The following EBF4 variants were observed in gnomAD, a reference collection of about 807,000 sequenced individuals.
The protein encoded by EBF4 is transcription factor COE4.
Under a neutral mutation model 67.1 loss-of-function variants are expected in EBF4, and 34 were observed. The ratio of observed to expected loss-of-function variants is 0.51; its 90% CI spans 0.39 to 0.67. The LOEUF (loss-of-function observed/expected upper bound fraction) is 0.67. Ranked by LOEUF, EBF4 falls within the 30% of genes least tolerant of loss-of-function variation. EBF4 has a pLI of 0.00. For synonymous variants in EBF4, 387 were observed against 377.7 expected, an observed-to-expected ratio of 1.02 and a Z score of -0.29; for missense variants, 837 against 873.3, an observed-to-expected ratio of 0.96 and a Z score of 0.52.
chr20:2,738,419 T>A (rs2087920635), intron 6 of EBF4, among the ~76,000 whole-genome samples: 1 of 152,128 alleles, frequency 6.6e-6, no homozygotes, highest in Non-Finnish European at 1.5e-5. Flanking sequence ...CCTTCTCTTC[T>A]GTTCGTGGAC....
chr20:2,727,747 G>A (rs2087764582), intron 6 of EBF4, among the ~76,000 whole-genome samples: 1 of 152,130 alleles, frequency 6.6e-6, no homozygotes, highest in Non-Finnish European at 1.5e-5. Flanking sequence ...CTTTTTTATA[G>A]TAGTCATCCT....
chr20:2,695,276 C>T (rs1037109222), intron 1 of EBF4, among the ~76,000 whole-genome samples: 3 of 152,170 alleles, frequency 2.0e-5, no homozygotes, highest in Non-Finnish European at 4.4e-5. Context: ...TGCAACCTTT[C>T]CCTCTGTGCC....
chr20:2,722,914 G>A (rs1470708919), intron 6 of EBF4, among the ~76,000 whole-genome samples: 1 of 151,972 alleles, frequency 6.6e-6, no homozygotes, highest in Admixed American at 6.5e-5. Context: ...TAACCTAATC[G>A]TGTGTCTTAT....
Position 2,693,627 on chromosome 20 carries a change from T to G in EBF4, c.-19T>G. 1 of 1,378,332 alleles carries G rather than the reference T, an allele frequency of 7.3e-7. No homozygotes were observed. Among genetic ancestry groups the G allele is most frequent in the South Asian group, 1.6e-5 (1 of 61,586 alleles). 85.4% of individuals were successfully genotyped at this position (1,378,332 alleles called of 1,614,324 possible). A position where few individuals can be genotyped will look rare whatever the true frequency, so the allele number is the denominator to read the frequency against. On this transcript the variant is annotated 5_prime_UTR_variant, in exon 1 of 17. Transcript: ENST00000609451. The surrounding 1 kb of genome is among the most constrained non-coding windows in gnomAD (Gnocchi z 4.6). ...ACCGGATCCGGGGCGGCGGGGGCGC[T>G]CACTCACCGCGCGCCCTCATGTTCC...
At chr20:2,708,072 G>T in intron 5 of EBF4, 52 bp downstream of exon 5, 1 of 1,554,768 alleles carries the variant, frequency 6.4e-7, no homozygotes, top group South Asian at 1.2e-5. Context: ...GCGTTTCTGA[G>T]GACTCTACCC....
intron 6 of EBF4, among the ~76,000 whole-genome samples, chr20:2,729,093 A>G (rs983458951): frequency 6.6e-6 from 1 of 152,150 alleles, no homozygotes; most frequent in Non-Finnish European, 1.5e-5. Context: ...GATAACTTTC[A>G]ATATAATTGG....
chr20:2,697,584 C>T (rs1264455530), intron 1 of EBF4, among the ~76,000 whole-genome samples: 1 of 151,030 alleles, frequency 6.6e-6, no homozygotes, highest in African/African-American at 2.4e-5. Context: ...GTAGGGAGAG[C>T]AGAGGGGCTG....
At chr20:2,700,442 T>C (rs898256534) in intron 1 of EBF4, among the ~76,000 whole-genome samples, 3 of 152,148 alleles carry the variant, frequency 2.0e-5, no homozygotes, top group East Asian at 1.9e-4. Flanking sequence ...GCAGTTTCTC[T>C]CCACACCCCA....
intron 6 of EBF4, among the ~76,000 whole-genome samples, chr20:2,727,813 T>C (rs2087765269): frequency 6.6e-6 from 1 of 152,252 alleles, no homozygotes; most frequent in Admixed American, 6.5e-5. Flanking sequence ...TCTAATGATG[T>C]TGAACATCTT....
intron 7 of EBF4, 140 bp from the exon 8 acceptor site, chr20:2,749,261 G>T (rs1330192035): frequency 1.4e-5 from 9 of 632,606 alleles, no homozygotes; most frequent in Admixed American, 3.1e-5. Flanking sequence ...GACACTGCAG[G>T]ATTGAAGCCC....
intron 1 of EBF4, among the ~76,000 whole-genome samples, chr20:2,699,386 G>A (rs1208383621): frequency 1.3e-5 from 2 of 152,204 alleles, no homozygotes; most frequent in East Asian, 1.9e-4. Flanking sequence ...TCTGTGCAAC[G>A]TAAATCTTTT....
chr20:2,733,678 C>T (rs1012652673), intron 6 of EBF4, among the ~76,000 whole-genome samples: 24 of 150,820 alleles, frequency 1.6e-4, no homozygotes, highest in African/African-American at 2.9e-4. Flanking sequence ...GATTTTTTTT[C>T]GTCCCACCAA....
intron 8 of EBF4, 42 bp from the exon 9 acceptor site, chr20:2,749,578 C>A (rs1302159886): frequency 6.5e-7 from 1 of 1,546,930 alleles, no homozygotes; most frequent in Non-Finnish European, 8.7e-7. Flanking sequence ...CAGGCCCCAC[C>A]TCAGCGCGGT....
intron 14 of EBF4, among the ~76,000 whole-genome samples, chr20:2,754,865 G>A (rs1003525): frequency 0.45 from 68,602 of 151,748 alleles, 16,072 homozygotes; most frequent in Non-Finnish European, 0.53. Context: ...AGGGCAAGCC[G>A]CAGCCTGGGT....
At chr20:2,759,198 A>G in intron 16 of EBF4, 70 bp from the exon 17 acceptor site, 2 of 575,594 alleles carry the variant, frequency 3.5e-6, no homozygotes, top group East Asian at 2.8e-5. Flanking sequence ...GGTAGAGAGA[A>G]GTGGCTTCCT....
intron 6 of EBF4, among the ~76,000 whole-genome samples, chr20:2,722,157 C>T (rs976087190): frequency 1.3e-5 from 2 of 152,128 alleles, no homozygotes; most frequent in South Asian, 2.1e-4. Context: ...ACCTCAGCCT[C>T]CTGAAGTAAC....
chr20:2,710,136 A>G (rs1390404138), intron 6 of EBF4, among the ~76,000 whole-genome samples: 1 of 152,208 alleles, frequency 6.6e-6, no homozygotes. Flanking sequence ...GCATTTGCAC[A>G]CCATGATTTC....
chr20:2,712,628 T>G (rs962188562), intron 6 of EBF4, among the ~76,000 whole-genome samples: 1 of 152,108 alleles, frequency 6.6e-6, no homozygotes, highest in Non-Finnish European at 1.5e-5. Context: ...AGAGAAAGGT[T>G]CAGGCTGCAG....
At position 2,751,104 on chromosome 20, in the gene EBF4, A is replaced by G. The variant is rs2088138597; in HGVS notation, c.1019-596A>G. On this transcript the variant is annotated intron_variant, in intron 10 of 16. Coordinates refer to ENST00000609451, the Ensembl canonical transcript of EBF4. The surrounding 1 kb of genome is among the most constrained non-coding windows in gnomAD (Gnocchi z 5.2). ...ACACACACACCCCTTGCACAACGCC[A>G]GGGTAAGCAGTGAACACAACACACG... Among the ~76,000 whole-genome samples the G allele has an allele frequency of 6.6e-6, 1 of 152,054 alleles. No homozygotes were observed. The highest frequency in any genetic ancestry group is 1.5e-5 in the Non-Finnish European group (1 of 67,992).
Sources: gnomAD v4.1 joint callset for allele counts (sites outside exome capture counted in the v4.1 genomes callset) on GRCh38, gnomAD v4.1.1 for gene constraint, Gnocchi (gnomAD v3.1) non-coding constraint, MANE v1.5 for transcripts, NCBI Gene and HGNC (gene_info 2026-07-23, HGNC 2026-07-21) for gene names.